USP32: variants seen among roughly 807,000 people sequenced by gnomAD.
USP32 encodes ubiquitin specific peptidase 32.
USP32 carries 59 observed loss-of-function variants against 204.8 expected under a neutral mutation model. The observed-to-expected ratio is 0.29, with a 90% CI of 0.23 to 0.36. The LOEUF is 0.36. USP32 is among the 10% of genes least tolerant of loss of function. USP32 has a pLI of 1.00. For missense variants in USP32, 1,160 were observed against 1,946.4 expected, an observed-to-expected ratio of 0.60 and a Z score of 7.60; for synonymous variants, 517 against 678.4, an observed-to-expected ratio of 0.76 and a Z score of 3.70.
intron 5 of USP32, 86 bp downstream of exon 5, chr17:60,288,437 C>T: frequency 7.0e-7 from 1 of 1,422,888 alleles, no homozygotes. Flanking sequence ...AAATAAATTT[C>T]TCCTTTATAA....
chr17:60,256,600 T>C (rs1429394549), intron 9 of USP32: 4 of 817,394 alleles, frequency 4.9e-6, no homozygotes, highest in Non-Finnish European at 5.9e-6. Flanking sequence ...CTCCAGGTAC[T>C]CCGGTTTCCT....
chr17:60,356,807 T>C (rs1190493514), intron 1 of USP32, among the ~76,000 whole-genome samples: 1 of 152,134 alleles, frequency 6.6e-6, no homozygotes, highest in Non-Finnish European at 1.5e-5. Flanking sequence ...AAAAGGGCAT[T>C]AAATAGAAAC....
At position 60,373,067 on chromosome 17, in the gene USP32, T is replaced by C. The variant is rs188129681; in HGVS notation, c.58+18815A>G. Among the ~76,000 whole-genome samples, 9 of 151,908 alleles carry C rather than the reference T, an allele frequency of 5.9e-5. No individual in the cohort carries two copies. The East Asian group carries it at 1.7e-3, about 29-fold the overall frequency. On this transcript the variant is annotated intron_variant, in intron 1 of 33. Transcript: ENST00000300896. ...CCATAGTCGCAGCTACTCTATAGGC[T>C]AAGGTGGGAGGATAGCTAGAGGCTA...
chr17:60,312,868 G>A (rs1268831100), intron 2 of USP32, among the ~76,000 whole-genome samples: 1 of 152,086 alleles, frequency 6.6e-6, no homozygotes, highest in African/African-American at 2.4e-5. Flanking sequence ...ACAACATAAG[G>A]CCCATGGTAT....
intron 28 of USP32, among the ~76,000 whole-genome samples, 176 bp from the exon 29 acceptor site, chr17:60,190,859 A>G (rs1370437368): frequency 1.3e-5 from 2 of 152,224 alleles, no homozygotes; most frequent in Non-Finnish European, 2.9e-5. Context: ...AATAATTAGT[A>G]CAGTTTCAGG....
chr17:60,319,915 C>T (rs1054212823), intron 2 of USP32, among the ~76,000 whole-genome samples: 9 of 152,060 alleles, frequency 5.9e-5, no homozygotes, highest in Non-Finnish European at 1.2e-4. Context: ...TGTGTGCATA[C>T]TAAACATTTT....
intron 16 of USP32, among the ~76,000 whole-genome samples, chr17:60,214,989 G>C (rs145734929): frequency 9.2e-4 from 138 of 149,532 alleles, no homozygotes; most frequent in African/African-American, 2.9e-3. Flanking sequence ...GTTTTTAATA[G>C]ATGGAGTCTT....
At chr17:60,323,317 G>A (rs2088156716) in intron 2 of USP32, among the ~76,000 whole-genome samples, 1 of 151,938 alleles carries the variant, frequency 6.6e-6, no homozygotes, top group East Asian at 1.9e-4. Context: ...ACAATAAAAA[G>A]GAATAAAGGA....
intron 12 of USP32, among the ~76,000 whole-genome samples, chr17:60,234,393 G>T (rs1434020432): frequency 6.6e-6 from 1 of 150,734 alleles, no homozygotes; most frequent in Non-Finnish European, 1.5e-5. Context: ...GATTACAGGT[G>T]TGAGCCACCA....
intron 3 of USP32, among the ~76,000 whole-genome samples, chr17:60,300,617 GT>G (rs1233679072): frequency 3.2e-4 from 48 of 151,990 alleles, no homozygotes; most frequent in African/African-American, 1.0e-3. Flanking sequence ...GTAAACTTTG[GT>G]TTTGTTTGTG....
intron 5 of USP32, among the ~76,000 whole-genome samples, chr17:60,276,285 G>A (rs2086838136): frequency 6.6e-6 from 1 of 152,098 alleles, no homozygotes; most frequent in Admixed American, 6.5e-5. Flanking sequence ...TAATGCTGAA[G>A]TATCTACTTC....
In USP32 at chr17:60,181,329, T is replaced by C. The variant is rs776803500; in HGVS notation, c.4543A>G (p.Ile1515Val). Residue 1515 changes from isoleucine (I) to valine (V), a missense_variant, in exon 32 of 34, where the codon ATT becomes GTT. Around this residue, in one of 8 missense-constraint regions of USP32, gnomAD observed 244 missense variants for 342.3 expected, o/e 0.71. Coordinates refer to ENST00000300896, the MANE Select transcript of USP32 (RefSeq NM_032582.4). ...CCATATAATAAACCACTTACCGAAA[T>C]TGCATATAGATTATAAATAGGCTTA... ...RIKPIYNLYAISCHSGILGGG... is the reference protein window; with the variant it reads ...RIKPIYNLYAVSCHSGILGGG... 5 of 1,606,836 alleles carry C rather than the reference T, an allele frequency of 3.1e-6. No individual in the cohort carries two copies. Among genetic ancestry groups the C allele is most frequent in the Non-Finnish European group, 4.3e-6 (5 of 1,175,758 alleles).
intron 1 of USP32, among the ~76,000 whole-genome samples, chr17:60,388,621 A>G (rs1222581807): frequency 6.6e-6 from 1 of 152,210 alleles, no homozygotes; most frequent in Non-Finnish European, 1.5e-5. Flanking sequence ...TCCTTAGAAA[A>G]CACACGCAAT....
Position 60,336,009 on chromosome 17 carries a change from A to G in USP32, c.186+9472T>C, listed in dbSNP as rs1567859184. ...CCCAACTGTTTTTATCGTCTACTAC[A>G]CTAGTCATGTCAGTAGCTCGGTTAA... On this transcript the variant is annotated intron_variant, in intron 2 of 33. Coordinates refer to ENST00000300896, the MANE Select transcript of USP32 (RefSeq NM_032582.4). Among the ~76,000 whole-genome samples, 2 of 143,110 alleles carry G rather than the reference A, an allele frequency of 1.4e-5. 1 individual carries two copies. Among genetic ancestry groups the G allele is most frequent in the Non-Finnish European group, 3.0e-5 (2 of 67,790 alleles). The allele number at this position is 143,110 out of a possible 152,430, so 93.9% of individuals were successfully genotyped here.
chr17:60,261,382 C>G (rs1285366988), intron 9 of USP32, among the ~76,000 whole-genome samples: 1 of 152,162 alleles, frequency 6.6e-6, no homozygotes, highest in Non-Finnish European at 1.5e-5. Flanking sequence ...CACGGTGGCT[C>G]ACACTTGTAA....
intron 2 of USP32, among the ~76,000 whole-genome samples, chr17:60,333,785 G>C (rs1438205599): frequency 1.3e-5 from 2 of 152,142 alleles, no homozygotes; most frequent in African/African-American, 4.8e-5. Flanking sequence ...TTTCAGTACT[G>C]TACTGTTTTT....
At chr17:60,416,386 C>T (rs1029271934) in intron 1 of USP32, among the ~76,000 whole-genome samples, 4 of 152,144 alleles carry the variant, frequency 2.6e-5, no homozygotes, top group East Asian at 1.9e-4. Context: ...ATGAAACAGG[C>T]GTATGCCATC....
At chr17:60,361,161 T>C (rs2089199050) in intron 1 of USP32, among the ~76,000 whole-genome samples, 1 of 151,930 alleles carries the variant, frequency 6.6e-6, no homozygotes. Context: ...AAAAACCCGG[T>C]ATATATAAAG....
At chr17:60,357,967 C>A (rs565514919) in intron 1 of USP32, among the ~76,000 whole-genome samples, 1 of 151,992 alleles carries the variant, frequency 6.6e-6, no homozygotes, top group Admixed American at 6.6e-5. Flanking sequence ...GGGGTTTTCA[C>A]CATGTTGGTC....
Sources: allele counts gnomAD v4.1 joint callset (sites outside exome capture counted in the v4.1 genomes callset), GRCh38; gene constraint gnomAD v4.1.1; regional missense constraint gnomAD v4.1.1; transcripts MANE v1.5; gene names NCBI Gene and HGNC (gene_info 2026-07-23, HGNC 2026-07-21).